Variants in AKT3 observed in about 807,000 individuals in gnomAD.
The protein encoded by AKT3 is AKT serine/threonine kinase 3, also known as RAC-gamma serine/threonine-protein kinase.
A neutral mutation model predicts 65.3 loss-of-function variants in AKT3; 15 were observed. That is an observed-to-expected ratio of 0.23 (90% confidence interval 0.15 to 0.35). AKT3 has a LOEUF of 0.35. Among genes scored for constraint, AKT3 ranks in the 10% least tolerant of loss-of-function variants. The pLI is 1.00. For synonymous variants in AKT3, 206 were observed against 183.8 expected (o/e 1.12, Z -0.98); for missense variants, 243 against 576.5 (o/e 0.42, Z 5.92).
intron 8 of AKT3, among the ~76,000 whole-genome samples, chr1:243,581,026 C>G (rs1273313796): frequency 2.0e-5 from 3 of 152,154 alleles, no homozygotes; most frequent in African/African-American, 7.2e-5. Flanking sequence ...CTCTAGGCAT[C>G]TTGAGCACCT....
chr1:243,560,781 C>T (rs1326246502), intron 10 of AKT3, among the ~76,000 whole-genome samples: 2 of 152,092 alleles, frequency 1.3e-5, no homozygotes, highest in East Asian at 1.9e-4. Flanking sequence ...GTTGATGACA[C>T]TGCATATGAA....
chr1:243,803,313 G>A (rs761250205), intron 2 of AKT3, among the ~76,000 whole-genome samples: 6 of 151,988 alleles, frequency 3.9e-5, no homozygotes, highest in African/African-American at 1.5e-4. Context: ...CCATCATACT[G>A]CTTTCATAAT....
intron 2 of AKT3, among the ~76,000 whole-genome samples, chr1:243,772,629 C>T (rs1412626276): frequency 4.6e-5 from 7 of 152,260 alleles, no homozygotes; most frequent in East Asian, 1.9e-4. Flanking sequence ...GACAGTGTGG[C>T]GATTCCTCAG....
intron 3 of AKT3, among the ~76,000 whole-genome samples, chr1:243,693,239 A>ATT (rs1684816004): frequency 1.8e-5 from 1 of 54,562 alleles, no homozygotes; most frequent in African/African-American, 6.6e-5. Flanking sequence ...GGTAGCTACA[A>ATT]TTTGATATAT....
At chr1:243,758,739 T>C (rs1689299948) in intron 2 of AKT3, among the ~76,000 whole-genome samples, 3 of 152,210 alleles carry the variant, frequency 2.0e-5, no homozygotes, top group Admixed American at 1.3e-4. Context: ...GAGTTCACAA[T>C]AGGGTTCGCA....
intron 2 of AKT3, among the ~76,000 whole-genome samples, chr1:243,760,475 CAT>C (rs1689421347): frequency 6.6e-6 from 1 of 151,994 alleles, no homozygotes; most frequent in Non-Finnish European, 1.5e-5. Flanking sequence ...GCCCAGCTAA[CAT>C]ATTTAATCTT....
intron 2 of AKT3, among the ~76,000 whole-genome samples, chr1:243,785,397 T>C (rs777808042): frequency 2.0e-5 from 3 of 152,196 alleles, no homozygotes; most frequent in Non-Finnish European, 4.4e-5. Flanking sequence ...TTTTATAATA[T>C]AATTTTCTAC....
At chr1:243,693,597 C>T (rs1684862691) in intron 3 of AKT3, among the ~76,000 whole-genome samples, 1 of 151,932 alleles carries the variant, frequency 6.6e-6, no homozygotes, top group African/African-American at 2.4e-5. Flanking sequence ...ATGTTTCTAA[C>T]ATGCTGATGA....
At chr1:243,526,015 G>A in intron 12 of AKT3, among the ~76,000 whole-genome samples, 1 of 151,508 alleles carries the variant, frequency 6.6e-6, no homozygotes, top group South Asian at 2.1e-4. Flanking sequence ...ACCAGAGTCT[G>A]TCACGGTTCC....
rs535452682 is a variant in AKT3 at position 243,649,519 on chromosome 1, C to T, written c.285-3482G>A. 1.2e-4 allele frequency among the ~76,000 whole-genome samples: 19 copies of T among 152,056 alleles called. No homozygotes were observed. In the South Asian group the frequency reaches 2.3e-3, roughly 18 times the overall value. ...TGGCGGTTTGCTGTGCCCATCAATCCGTCACCTATATTAGGTTATTTCTGC... is the reference window on the plus strand; with the variant it reads ...TGGCGGTTTGCTGTGCCCATCAATCTGTCACCTATATTAGGTTATTTCTGC... On this transcript the variant is annotated intron_variant, in intron 4 of 13. Transcript: ENST00000673466.
chr1:243,850,487 G>T (rs908704942), upstream of AKT3, among the ~76,000 whole-genome samples: 18 of 151,412 alleles, frequency 1.2e-4, no homozygotes, highest in Middle Eastern at 3.4e-3. Context: ...CGCCCGGCGC[G>T]GGGAGGGGTT....
At chr1:243,705,927 T>G (rs1455946438) in intron 2 of AKT3, among the ~76,000 whole-genome samples, 2 of 152,202 alleles carry the variant, frequency 1.3e-5, no homozygotes, top group East Asian at 3.8e-4. Flanking sequence ...AAGTCATTCT[T>G]GCACCATTTT....
At chr1:243,640,455 CTGAT>C (rs1680292018) in intron 5 of AKT3, among the ~76,000 whole-genome samples, 1 of 152,204 alleles carries the variant, frequency 6.6e-6, no homozygotes. Flanking sequence ...TATGATCAAA[CTGAT>C]ACTATGCCAG....
chr1:243,518,401 G>A (rs1463886229), intron 12 of AKT3, among the ~76,000 whole-genome samples: 2 of 152,202 alleles, frequency 1.3e-5, no homozygotes, highest in African/African-American at 2.4e-5. Flanking sequence ...TTGGGAGTCT[G>A]AGGCAGGCAG....
At chr1:243,665,715 A>T (rs1000342896) in intron 3 of AKT3, among the ~76,000 whole-genome samples, 2 of 152,224 alleles carry the variant, frequency 1.3e-5, no homozygotes, top group African/African-American at 4.8e-5. Flanking sequence ...TAATAAGTTC[A>T]TCTAATATTA....
rs573493970 is a variant in AKT3, at chr1:243,505,791, GCTT to G, written c.1355-460_1355-458del. Among the ~76,000 whole-genome samples the G allele has an allele frequency of 2.8e-4, 42 of 152,290 alleles. No individual in the cohort carries two copies. In the South Asian group the frequency reaches 7.9e-3, roughly 29 times the overall value. On this transcript the variant is annotated intron_variant, in intron 13 of 13. Coordinates refer to ENST00000673466, the MANE Select transcript of AKT3 (RefSeq NM_005465.7). ...GCTTTAAGTGCAACTGCAAAATAAAGCTTCTTATGAAATTTCATTCAACATCTA... is the reference window on the plus strand; with the variant it reads ...GCTTTAAGTGCAACTGCAAAATAAAGCTTATGAAATTTCATTCAACATCTA...
chr1:243,835,930 T>C (rs1694864874), intron 2 of AKT3, among the ~76,000 whole-genome samples: 1 of 151,648 alleles, frequency 6.6e-6, no homozygotes, highest in African/African-American at 2.4e-5. Context: ...AACAAGCCAA[T>C]AGGAGAGATA....
chr1:243,585,747 G>A (rs2148537789), intron 8 of AKT3, among the ~76,000 whole-genome samples: 1 of 152,168 alleles, frequency 6.6e-6, no homozygotes, highest in Middle Eastern at 3.4e-3. Context: ...ACTCAATATT[G>A]GTTAAAGATT....
chr1:243,769,232 T>C (rs760982767), intron 2 of AKT3, among the ~76,000 whole-genome samples: 4 of 152,212 alleles, frequency 2.6e-5, no homozygotes, highest in Non-Finnish European at 4.4e-5. Context: ...GATTGGACAT[T>C]TGTGGTTTGG....
Sources: allele counts gnomAD v4.1 joint callset (sites outside exome capture counted in the v4.1 genomes callset), GRCh38; gene constraint gnomAD v4.1.1; transcripts MANE v1.5; gene names NCBI Gene and HGNC (gene_info 2026-07-23, HGNC 2026-07-21).